Variants in CDKAL1 observed in about 807,000 individuals in gnomAD.
The protein encoded by CDKAL1 is CDKAL1 threonylcarbamoyladenosine tRNA methylthiotransferase.
CDKAL1 carries 32 observed loss-of-function variants against 68.2 expected under a neutral mutation model. That is an observed-to-expected ratio of 0.47 (90% CI 0.35 to 0.63). The LOEUF (loss-of-function observed/expected upper bound fraction) is 0.63. Among genes scored for constraint, CDKAL1 ranks in the 30% least tolerant of loss-of-function variants. The pLI is 0.00. For missense variants in CDKAL1, 606 were observed against 696.7 expected, an observed-to-expected ratio of 0.87 and a Z score of 1.47; for synonymous variants, 234 against 244.3, an observed-to-expected ratio of 0.96 and a Z score of 0.39.
chr6:20,961,599 C>G (rs1348419781), intron 10 of CDKAL1, among the ~76,000 whole-genome samples: 1 of 152,058 alleles, frequency 6.6e-6, no homozygotes, highest in South Asian at 2.1e-4. Flanking sequence ...AACCCCATCT[C>G]TACTAAAAAT....
At chr6:21,223,605 G>T (rs925926016) in intron 15 of CDKAL1, among the ~76,000 whole-genome samples, 1 of 151,180 alleles carries the variant, frequency 6.6e-6, no homozygotes, top group Admixed American at 6.6e-5. Flanking sequence ...CCTTCCATTG[G>T]AAGCCCAAGC....
chr6:21,215,153 G>A (rs1332346834), intron 15 of CDKAL1, among the ~76,000 whole-genome samples: 2 of 152,180 alleles, frequency 1.3e-5, no homozygotes, highest in African/African-American at 2.4e-5. Flanking sequence ...AGGTTCAGCA[G>A]GCATTTGGTG....
At chr6:20,693,122 T>C (rs1469005892) in intron 5 of CDKAL1, among the ~76,000 whole-genome samples, 2 of 103,152 alleles carry the variant, frequency 1.9e-5, no homozygotes, top group Non-Finnish European at 3.5e-5. Flanking sequence ...AAAGCGAGAC[T>C]CTGTCTCAAA....
intron 13 of CDKAL1, among the ~76,000 whole-genome samples, chr6:21,111,759 G>T (rs1328667172): frequency 3.3e-5 from 5 of 152,112 alleles, no homozygotes; most frequent in African/African-American, 1.2e-4. Flanking sequence ...TTTGTTTGTT[G>T]CCTCTGGTTG....
At chr6:20,592,545 T>C (rs1765637856) in intron 4 of CDKAL1, among the ~76,000 whole-genome samples, 2 of 150,682 alleles carry the variant, frequency 1.3e-5, no homozygotes, top group African/African-American at 2.4e-5. Flanking sequence ...TTCGGCCCAC[T>C]GCAACCTTCA....
intron 4 of CDKAL1, among the ~76,000 whole-genome samples, chr6:20,640,259 A>T (rs1768110666): frequency 6.6e-6 from 1 of 152,030 alleles, no homozygotes; most frequent in African/African-American, 2.4e-5. Flanking sequence ...ATTTGTATCA[A>T]CCTCCATACC....
In CDKAL1 at chr6:20,626,285, G is replaced by A. The variant is rs531117867; in HGVS notation, c.287-23008G>A. On this transcript the variant is annotated intron_variant, in intron 4 of 15. Transcript: ENST00000274695. ...CTCATCTGTCTCATTTTGCAAATAA[G>A]CTTCCTGCTAGAAAGTTGGCTAGAT... Among the ~76,000 whole-genome samples, 4 of 152,200 alleles carry A rather than the reference G, an allele frequency of 2.6e-5. No individual in the cohort carries two copies. In the East Asian group the frequency reaches 7.7e-4, roughly 29 times the overall value.
intron 10 of CDKAL1, among the ~76,000 whole-genome samples, chr6:20,965,938 CT>C (rs1227023110): frequency 6.6e-6 from 1 of 152,210 alleles, no homozygotes; most frequent in Non-Finnish European, 1.5e-5. Flanking sequence ...TTCCTTTACA[CT>C]TTTCTATTCT....
chr6:21,228,458 T>C (rs1192823957), intron 15 of CDKAL1, among the ~76,000 whole-genome samples: 2 of 152,318 alleles, frequency 1.3e-5, no homozygotes, highest in East Asian at 1.9e-4. Context: ...ACCACACTTA[T>C]AAAGTGATGG....
chr6:21,093,126 A>G (rs148663198), intron 12 of CDKAL1, among the ~76,000 whole-genome samples: 242 of 152,338 alleles, frequency 1.6e-3, no homozygotes, highest in African/African-American at 5.5e-3. Flanking sequence ...AGCAATCCCC[A>G]TGGACGCAGC....
In CDKAL1 at chr6:21,232,166, C is replaced by T. The variant is rs1290040956; in HGVS notation, c.*1127C>T. The T allele has an allele frequency of 3.9e-5, 6 of 152,048 alleles. No homozygotes were observed. The highest frequency in any genetic ancestry group is 1.4e-4 in the African/African-American group (6 of 41,388). The allele number at this position is 152,048 out of a possible 1,614,324, so 9.4% of individuals were successfully genotyped here. A position where few individuals can be genotyped will look rare whatever the true frequency, so the allele number is the denominator to read the frequency against. On this transcript the variant is annotated 3_prime_UTR_variant, in exon 16 of 16. Coordinates refer to ENST00000274695, the MANE Select transcript of CDKAL1 (RefSeq NM_017774.3). The stretch of plus-strand genomic sequence containing the variant: ...GGGGCTACAGGCATATACCACCATG[C>T]CCAACTAATTTTTTAATTTTTTGTA...
chr6:21,136,047 A>G (rs1434572750), intron 13 of CDKAL1, among the ~76,000 whole-genome samples: 2 of 152,222 alleles, frequency 1.3e-5, no homozygotes, highest in African/African-American at 2.4e-5. Flanking sequence ...CAGTGTTTAC[A>G]TTGGTCTTGC....
intron 5 of CDKAL1, among the ~76,000 whole-genome samples, chr6:20,698,368 A>G (rs974661532): frequency 6.6e-6 from 1 of 152,236 alleles, no homozygotes; most frequent in Non-Finnish European, 1.5e-5. Flanking sequence ...CAACCAAGAA[A>G]TTAACATTGG....
rs370588495 is a variant in CDKAL1 at position 20,976,696 on chromosome 6, T to A, written c.909+21111T>A. ...CATCCAAGAGACCTCTATTCTGAAT[T>A]GGAAAATTTGATCACTGTTAATTTT... On this transcript the variant is annotated intron_variant, in intron 10 of 15. Transcript: ENST00000274695. Among the ~76,000 whole-genome samples, 11 of 152,192 alleles carry A rather than the reference T, an allele frequency of 7.2e-5. No homozygotes were observed. In the East Asian group the frequency reaches 1.5e-3, roughly 21 times the overall value.
intron 5 of CDKAL1, among the ~76,000 whole-genome samples, chr6:20,733,223 C>G (rs12211466): frequency 0.017 from 2,619 of 152,304 alleles, 34 homozygotes; most frequent in Non-Finnish European, 0.025. Context: ...TGCAGCTGTC[C>G]TTGCCATCTC....
In CDKAL1 at chr6:20,821,294, A is replaced by G. The variant is rs1777268932; in HGVS notation, c.639-24781A>G. 2.0e-5 allele frequency among the ~76,000 whole-genome samples: 3 copies of G among 151,998 alleles called. No individual in the cohort carries two copies. The South Asian group carries it at 6.2e-4, about 32-fold the overall frequency. ...GTGAAGTCCGAATGGAAGAAGAGAG[A>G]ATGGGTTGCTCCCGTGATAGTCTAG... On this transcript the variant is annotated intron_variant, in intron 8 of 15. Transcript: ENST00000274695.
chr6:21,184,495 C>G (rs1777927233), intron 13 of CDKAL1, among the ~76,000 whole-genome samples: 1 of 152,086 alleles, frequency 6.6e-6, no homozygotes, highest in Non-Finnish European at 1.5e-5. Flanking sequence ...CACGCAGAAA[C>G]CAGCTCTTAC....
intron 13 of CDKAL1, among the ~76,000 whole-genome samples, chr6:21,176,698 T>G (rs1562093929): frequency 2.8e-5 from 4 of 144,168 alleles, no homozygotes; most frequent in South Asian, 4.5e-4. Context: ...TTTTTTTTGT[T>G]TTTTTTTTTT....
intron 8 of CDKAL1, among the ~76,000 whole-genome samples, chr6:20,810,688 G>A (rs555315132): frequency 6.9e-6 from 1 of 145,560 alleles, no homozygotes; most frequent in South Asian, 2.3e-4. Flanking sequence ...AAAAAAAAAA[G>A]TGTTTATTCA....
Sources: allele counts gnomAD v4.1 joint callset (sites outside exome capture counted in the v4.1 genomes callset), GRCh38; gene constraint gnomAD v4.1.1; transcripts MANE v1.5; gene names NCBI Gene and HGNC (gene_info 2026-07-23, HGNC 2026-07-21).